The following TCF4 variants were observed in gnomAD, a reference collection of about 807,000 sequenced individuals.
TCF4 encodes the protein transcription factor 4, also known as SL3-3 enhancer factor 2.
Under a neutral mutation model 82.1 loss-of-function variants are expected in TCF4, and 3 were observed. That is an observed-to-expected ratio of 0.04 (90% CI 0.02 to 0.09). TCF4 has a LOEUF of 0.09. Ranked by LOEUF, TCF4 falls within the 10% of genes least tolerant of loss-of-function variation. TCF4 has a pLI of 1.00. For missense variants in TCF4, 518 were observed against 852.7 expected (o/e 0.61, Z 4.89); for synonymous variants, 276 against 309.6 (o/e 0.89, Z 1.14).
intron 6 of TCF4, among the ~76,000 whole-genome samples, chr18:55,367,447 C>G (rs914077776): frequency 1.3e-5 from 2 of 152,172 alleles, no homozygotes; most frequent in Non-Finnish European, 2.9e-5. Flanking sequence ...TATAATGTAT[C>G]AAGAACATTT....
At chr18:55,311,577 G>A (rs2072465043) in intron 8 of TCF4, among the ~76,000 whole-genome samples, 1 of 152,132 alleles carries the variant, frequency 6.6e-6, no homozygotes, top group African/African-American at 2.4e-5. Context: ...TGTCCATCTC[G>A]AGGAGTATCT....
At chr18:55,235,524 C>T (rs1037394731) in intron 15 of TCF4, among the ~76,000 whole-genome samples, 1 of 152,066 alleles carries the variant, frequency 6.6e-6, no homozygotes, top group Admixed American at 6.5e-5. Context: ...AGCATGATTA[C>T]TTCATTAAAA....
chr18:55,396,421 T>A (rs757846271), intron 6 of TCF4, among the ~76,000 whole-genome samples: 1 of 152,204 alleles, frequency 6.6e-6, no homozygotes, highest in Non-Finnish European at 1.5e-5. Flanking sequence ...CATTTTGACA[T>A]TCACTATCAA....
chr18:55,585,205 G>T, intron 3 of TCF4, 75 bp downstream of exon 3: 1 of 1,413,330 alleles, frequency 7.1e-7, no homozygotes, highest in Non-Finnish European at 1.0e-6. Context: ...CTCTTCAACA[G>T]AGCCAAAAAC....
intron 10 of TCF4, among the ~76,000 whole-genome samples, chr18:55,275,204 T>C (rs963762500): frequency 6.9e-6 from 1 of 145,324 alleles, no homozygotes; most frequent in African/African-American, 2.6e-5. Flanking sequence ...AATGAAATGC[T>C]CCTGGGTGAT....
chr18:55,251,786 T>C (rs915202190), intron 15 of TCF4, among the ~76,000 whole-genome samples: 1 of 152,212 alleles, frequency 6.6e-6, no homozygotes, highest in African/African-American at 2.4e-5. Context: ...TGCTGAAGTT[T>C]CCGGTGCATA....
intron 14 of TCF4, among the ~76,000 whole-genome samples, chr18:55,256,398 T>C (rs1316718857): frequency 6.6e-6 from 1 of 152,160 alleles, no homozygotes; most frequent in Non-Finnish European, 1.5e-5. Flanking sequence ...GGCTGGGTAG[T>C]GCATATATGT....
chr18:55,238,313 T>C (rs1203701133), intron 15 of TCF4, among the ~76,000 whole-genome samples: 2 of 152,254 alleles, frequency 1.3e-5, no homozygotes, highest in African/African-American at 4.8e-5. Flanking sequence ...GTTTTAGTGA[T>C]ATCTATGCTA....
intron 3 of TCF4, among the ~76,000 whole-genome samples, chr18:55,504,913 C>T (rs1429345892): frequency 3.3e-5 from 5 of 152,138 alleles, no homozygotes; most frequent in African/African-American, 1.2e-4. Flanking sequence ...TGCAGAAAGG[C>T]AATGGCTTTA....
At chr18:55,254,827 T>C in intron 14 of TCF4, 127 bp from the exon 15 acceptor site, 3 of 880,670 alleles carry the variant, frequency 3.4e-6, no homozygotes, top group Non-Finnish European at 5.5e-6. Flanking sequence ...AAAATGTATT[T>C]CCTTAAAACA....
At chr18:55,373,051 A>G (rs550818819) in intron 6 of TCF4, among the ~76,000 whole-genome samples, 1 of 152,154 alleles carries the variant, frequency 6.6e-6, no homozygotes, top group Non-Finnish European at 1.5e-5. Context: ...GGAAAAAAAG[A>G]AAATTAAACT....
At chr18:55,259,721 G>A in intron 13 of TCF4, 3 of 540,122 alleles carry the variant, frequency 5.6e-6, no homozygotes, top group Non-Finnish European at 9.9e-6. Flanking sequence ...CCATATGCCT[G>A]TATATTTTAA....
chr18:55,246,934 G>A (rs994732647), intron 15 of TCF4, among the ~76,000 whole-genome samples: 1 of 152,086 alleles, frequency 6.6e-6, no homozygotes, highest in African/African-American at 2.4e-5. Flanking sequence ...TCTGTAACAG[G>A]GTATTTAGAA....
chr18:55,352,292 G>T (rs2082471209), intron 6 of TCF4, among the ~76,000 whole-genome samples: 1 of 152,062 alleles, frequency 6.6e-6, no homozygotes, highest in Non-Finnish European at 1.5e-5. Flanking sequence ...GGTCAAATAT[G>T]ACCCATAAGC....
intron 3 of TCF4, among the ~76,000 whole-genome samples, chr18:55,584,735 A>C (rs2097618936): frequency 6.6e-6 from 1 of 152,160 alleles, no homozygotes; most frequent in Non-Finnish European, 1.5e-5. Context: ...AAACAGCTAA[A>C]GCATCAAAAA....
At chr18:55,536,959 C>G (rs982750223) in intron 3 of TCF4, among the ~76,000 whole-genome samples, 5 of 151,500 alleles carry the variant, frequency 3.3e-5, no homozygotes, top group Non-Finnish European at 4.4e-5. Flanking sequence ...ATGGTGAAAC[C>G]CCATCTCTAC....
At chr18:55,242,521 C>G (rs985577712) in intron 15 of TCF4, among the ~76,000 whole-genome samples, 11 of 151,988 alleles carry the variant, frequency 7.2e-5, no homozygotes, top group African/African-American at 2.7e-4. Context: ...CTTAATTTGA[C>G]AAGCGCCTTA....
chr18:55,587,644 T>C (rs1042060507), intron 1 of TCF4, among the ~76,000 whole-genome samples: 4 of 151,540 alleles, frequency 2.6e-5, no homozygotes, highest in East Asian at 3.9e-4. Context: ...CTTTTCAAAG[T>C]AGCTATCAAG....
chr18:55,551,748 C>A (rs951367473), intron 3 of TCF4: 1 of 152,186 alleles, frequency 6.6e-6, no homozygotes, highest in African/African-American at 2.4e-5. Flanking sequence ...AATATCTCGT[C>A]CTCCTCAAAA....
Sources: allele counts gnomAD v4.1 joint callset (sites outside exome capture counted in the v4.1 genomes callset), GRCh38; gene constraint gnomAD v4.1.1; transcripts MANE v1.5; gene names NCBI Gene and HGNC (gene_info 2026-07-23, HGNC 2026-07-21).